ROBO2: variants seen among roughly 807,000 people sequenced by gnomAD.
The protein encoded by ROBO2 is roundabout guidance receptor 2.
Under a neutral mutation model 160.8 loss-of-function variants are expected in ROBO2, and 53 were observed. The ratio of observed to expected loss-of-function variants is 0.33; its 90% CI spans 0.26 to 0.41. The LOEUF (loss-of-function observed/expected upper bound fraction) is 0.41. Ranked by LOEUF, ROBO2 falls within the 10% of genes least tolerant of loss-of-function variation. The probability of loss-of-function intolerance (pLI) is 1.00; values close to 1 mark genes in which losing one functional copy is unlikely to be tolerated. For synonymous variants in ROBO2, 664 were observed against 611.7 expected (o/e 1.09, Z -1.26); for missense variants, 1,577 against 1,722.4 (o/e 0.92, Z 1.49).
intron 2 of ROBO2, among the ~76,000 whole-genome samples, chr3:76,647,180 C>G (rs2091012521): frequency 6.6e-6 from 1 of 152,078 alleles, no homozygotes. Context: ...GGTGGGTGAG[C>G]TACAAGTCTG....
intron 20 of ROBO2, among the ~76,000 whole-genome samples, chr3:77,606,820 G>A (rs1195473843): frequency 2.0e-5 from 3 of 152,176 alleles, no homozygotes; most frequent in East Asian, 3.9e-4. Flanking sequence ...GAAAGAATCA[G>A]TAAGATTTTT....
At chr3:75,995,064 A>C (rs2065686310) in intron 2 of ROBO2, among the ~76,000 whole-genome samples, 1 of 152,184 alleles carries the variant, frequency 6.6e-6, no homozygotes, top group Non-Finnish European at 1.5e-5. Flanking sequence ...AAAAGTTTGG[A>C]AAATTTGCAG....
chr3:76,220,738 A>G (rs1190610691), intron 2 of ROBO2, among the ~76,000 whole-genome samples: 1 of 151,764 alleles, frequency 6.6e-6, no homozygotes, highest in Non-Finnish European at 1.5e-5. Flanking sequence ...AAACAAACAT[A>G]TTTGATGAAA....
chr3:77,208,517 T>C (rs548603399), intron 2 of ROBO2, among the ~76,000 whole-genome samples: 1 of 152,318 alleles, frequency 6.6e-6, no homozygotes, highest in South Asian at 2.1e-4. Context: ...TCAGTGTGTT[T>C]TCATTGACTC....
At chr3:77,048,079 T>C (rs2064869616) in intron 1 of ROBO2, among the ~76,000 whole-genome samples, 2 of 152,126 alleles carry the variant, frequency 1.3e-5, no homozygotes, top group African/African-American at 2.4e-5. Flanking sequence ...CCATGAACAG[T>C]GTACTTTATA....
At chr3:76,256,835 A>T (rs1435460625) in intron 2 of ROBO2, among the ~76,000 whole-genome samples, 1 of 152,118 alleles carries the variant, frequency 6.6e-6, no homozygotes, top group Non-Finnish European at 1.5e-5. Flanking sequence ...ACATCTGCTC[A>T]GCTTCTAGAA....
intron 2 of ROBO2, among the ~76,000 whole-genome samples, chr3:77,301,979 T>TG: frequency 6.6e-6 from 1 of 152,048 alleles, no homozygotes; most frequent in East Asian, 1.9e-4. Context: ...CATGGCTCAC[T>TG]GCAGCCTTGA....
intron 2 of ROBO2, among the ~76,000 whole-genome samples, chr3:77,423,869 T>G (rs1053384875): frequency 6.6e-6 from 1 of 152,204 alleles, no homozygotes; most frequent in African/African-American, 2.4e-5. Flanking sequence ...ATAATGTATT[T>G]GTATCTATAG....
At chr3:76,191,742 G>T (rs547044777) in intron 2 of ROBO2, among the ~76,000 whole-genome samples, 1 of 152,102 alleles carries the variant, frequency 6.6e-6, no homozygotes, top group Admixed American at 6.6e-5. Context: ...TAAAAAAGAA[G>T]GCATACATAA....
intron 2 of ROBO2, among the ~76,000 whole-genome samples, chr3:76,214,085 A>G (rs2088178): frequency 0.6 from 90,922 of 151,914 alleles, 27,480 homozygotes; most frequent in African/African-American, 0.64. Flanking sequence ...TCAAGTTGAC[A>G]GATAACATTA....
At chr3:77,455,905 C>A (rs1315872555) in intron 2 of ROBO2, among the ~76,000 whole-genome samples, 2 of 152,114 alleles carry the variant, frequency 1.3e-5, no homozygotes, top group East Asian at 3.8e-4. Context: ...AACTAAGGAG[C>A]TTTGCCAGTT....
chr3:76,419,622 A>G (rs1249275365), intron 2 of ROBO2, among the ~76,000 whole-genome samples: 1 of 152,082 alleles, frequency 6.6e-6, no homozygotes, highest in Non-Finnish European at 1.5e-5. Context: ...TTGCAGTGAT[A>G]AGAACTTATT....
At chr3:77,314,334 C>G (rs1310972720) in intron 2 of ROBO2, among the ~76,000 whole-genome samples, 2 of 152,148 alleles carry the variant, frequency 1.3e-5, no homozygotes, top group Non-Finnish European at 2.9e-5. Flanking sequence ...TGACTTAACT[C>G]CATATTTTAA....
intron 1 of ROBO2, among the ~76,000 whole-genome samples, chr3:77,089,483 A>C (rs1019628293): frequency 6.6e-6 from 1 of 152,112 alleles, no homozygotes; most frequent in Non-Finnish European, 1.5e-5. Flanking sequence ...GTTCCCTTTC[A>C]CACTATAAGC....
intron 2 of ROBO2, among the ~76,000 whole-genome samples, chr3:76,227,896 A>G (rs17013917): frequency 0.034 from 5,172 of 152,292 alleles, 108 homozygotes; most frequent in South Asian, 0.08. Context: ...ATTTTTATCT[A>G]CAAACCCAAG....
chr3:77,595,989 G>A (rs951066788), intron 18 of ROBO2, among the ~76,000 whole-genome samples: 20 of 152,126 alleles, frequency 1.3e-4, no homozygotes, highest in Admixed American at 2.0e-4. Context: ...TAAATATGAC[G>A]TGAAGGAAAT....
At chr3:76,468,746 C>A (rs1428749436) in intron 2 of ROBO2, among the ~76,000 whole-genome samples, 1 of 152,086 alleles carries the variant, frequency 6.6e-6, no homozygotes, top group East Asian at 1.9e-4. Flanking sequence ...TGTCCTCTCT[C>A]TTCAGGATAT....
chr3:76,900,222 C>T (rs557468435), intron 2 of ROBO2, among the ~76,000 whole-genome samples: 2 of 152,226 alleles, frequency 1.3e-5, no homozygotes, highest in South Asian at 4.1e-4. Context: ...CCACCAGGTC[C>T]CTCCCACAAC....
intron 2 of ROBO2, among the ~76,000 whole-genome samples, chr3:76,626,858 A>AT (rs1156918210): frequency 1.3e-5 from 2 of 151,960 alleles, no homozygotes; most frequent in African/African-American, 2.4e-5. Flanking sequence ...CACCCAGCTA[A>AT]TTTTTTGTAT....
Sources: allele counts gnomAD v4.1 joint callset (sites outside exome capture counted in the v4.1 genomes callset), GRCh38; gene constraint gnomAD v4.1.1; transcripts MANE v1.5; gene names NCBI Gene and HGNC (gene_info 2026-07-23, HGNC 2026-07-21).